HS3ST1: variants seen among roughly 807,000 people sequenced by gnomAD.
HS3ST1 encodes heparan sulfate glucosamine 3-O-sulfotransferase 1.
In HS3ST1, 8 loss-of-function variants were observed where a neutral mutation model predicts 20.7. The ratio of observed to expected loss-of-function variants is 0.39; its 90% CI spans 0.23 to 0.70. The LOEUF is 0.70. HS3ST1 is among the 30% of genes least tolerant of loss of function. HS3ST1 has a pLI of 0.46. For synonymous variants in HS3ST1, 205 were observed against 190.4 expected (o/e 1.08, Z -0.63); for missense variants, 436 against 423.4 (o/e 1.03, Z -0.26).
intron 1 of HS3ST1, among the ~76,000 whole-genome samples, chr4:11,426,372 C>CA (rs970442994): frequency 5.9e-5 from 9 of 151,452 alleles, no homozygotes; most frequent in African/African-American, 9.7e-5. Flanking sequence ...GGCCCCCCCC[C>CA]CAACCCTCAC....
intron 1 of HS3ST1, among the ~76,000 whole-genome samples, chr4:11,422,635 G>A (rs1023834855): frequency 6.6e-5 from 10 of 151,580 alleles, no homozygotes; most frequent in Non-Finnish European, 8.9e-5. Flanking sequence ...CAACTGCCTT[G>A]TGAACGACAA....
At chr4:11,416,943 CA>C (rs1207637600) in intron 1 of HS3ST1, among the ~76,000 whole-genome samples, 2 of 152,110 alleles carry the variant, frequency 1.3e-5, no homozygotes, top group Admixed American at 6.5e-5. Context: ...GGAGAACGTA[CA>C]AAAGTTCTAC....
chr4:11,424,488 T>C (rs891636022), intron 1 of HS3ST1, among the ~76,000 whole-genome samples: 16 of 152,018 alleles, frequency 1.1e-4, no homozygotes, highest in Non-Finnish European at 1.9e-4. Context: ...GGAGAAGCTG[T>C]ACATCAGTGG....
chr4:11,411,293 A>C (rs1718627424), intron 1 of HS3ST1, among the ~76,000 whole-genome samples: 1 of 152,194 alleles, frequency 6.6e-6, no homozygotes, highest in South Asian at 2.1e-4. Context: ...ATATTGAAAA[A>C]ACTGTTGCAC....
chr4:11,413,318 G>A (rs1018696382), intron 1 of HS3ST1, among the ~76,000 whole-genome samples: 1 of 152,072 alleles, frequency 6.6e-6, no homozygotes, highest in Non-Finnish European at 1.5e-5. Flanking sequence ...TAGGCTGGAG[G>A]AAGGCAGTTT....
chr4:11,406,878 A>T lies in HS3ST1; in HGVS notation c.-108-6765T>A, dbSNP rs569245417. Among the ~76,000 whole-genome samples, 15 of 152,230 alleles carry T rather than the reference A, an allele frequency of 9.9e-5. 1 individual carries two copies. The South Asian group carries it at 3.1e-3, about 32-fold the overall frequency. ...TGTCTTTTTTTTTTTTAATCTACCA[A>T]ACTTCTGGGCAATCAAAAGTATAAG... On this transcript the variant is annotated intron_variant, in intron 1 of 1. Transcript: ENST00000002596.
At position 11,394,280 on chromosome 4, in the gene HS3ST1, T is replaced by C. The variant is rs1718080214; in HGVS notation, c.*4802A>G. 1 of 152,228 alleles carries C rather than the reference T, an allele frequency of 6.6e-6. No individual in the cohort carries two copies. Among genetic ancestry groups the C allele is most frequent in the Non-Finnish European group, 1.5e-5 (1 of 68,048 alleles). 9.4% of individuals were successfully genotyped at this position (152,228 alleles called of 1,614,324 possible). On this transcript the variant is annotated 3_prime_UTR_variant, in exon 2 of 2. Coordinates refer to ENST00000002596, the MANE Select transcript of HS3ST1 (RefSeq NM_005114.4). ...TACAGCTAGGATGCACACCCAGGTC[T>C]TCTGGCTCTCTCTCTTTGCTGTTAT...
At chr4:11,403,567 G>A (rs1250052569) in intron 1 of HS3ST1, among the ~76,000 whole-genome samples, 1 of 152,148 alleles carries the variant, frequency 6.6e-6, no homozygotes, top group Non-Finnish European at 1.5e-5. Context: ...TAGTCTAGTT[G>A]CTGTTACTAC....
At chr4:11,402,687 T>C (rs1367376977) in intron 1 of HS3ST1, among the ~76,000 whole-genome samples, 4 of 152,228 alleles carry the variant, frequency 2.6e-5, no homozygotes, top group African/African-American at 9.6e-5. Flanking sequence ...CACCATCTTA[T>C]AGTTCCATGT....
Position 11,422,979 on chromosome 4 carries a change from C to T in HS3ST1, c.-109+5720G>A, listed in dbSNP as rs191453346. 5.0e-3 allele frequency among the ~76,000 whole-genome samples: 686 copies of T among 135,964 alleles called. 3 individuals are homozygous for T. The highest frequency in any genetic ancestry group is 0.018 in the African/African-American group (631 of 34,438). 89.2% of individuals were successfully genotyped at this position (135,964 alleles called of 152,430 possible). On this transcript the variant is annotated intron_variant, in intron 1 of 1. Coordinates refer to ENST00000002596, the MANE Select transcript of HS3ST1 (RefSeq NM_005114.4). ...CAGAGGTTGCAGTGAGCTGGGATCA[C>T]GCCACTGCACTCCAGCCAGGGCAAC...
Position 11,400,074 on chromosome 4 carries a change from T to G in HS3ST1, c.-69A>C, listed in dbSNP as rs1172870392. On this transcript the variant is annotated 5_prime_UTR_variant, in exon 2 of 2. Coordinates refer to ENST00000002596, the MANE Select transcript of HS3ST1 (RefSeq NM_005114.4). ...CATGAAGTGCCGCAGCAGGGAAGCCTCCTAGTCAGTGGCACATGGGCGTTT... is the reference window on the plus strand; with the variant it reads ...CATGAAGTGCCGCAGCAGGGAAGCCGCCTAGTCAGTGGCACATGGGCGTTT... 7.7e-6 allele frequency: 11 copies of G among 1,433,068 alleles called. No individual in the cohort carries two copies. Among genetic ancestry groups the G allele is most frequent in the African/African-American group, 5.7e-5 (4 of 69,608 alleles). 88.8% of individuals were successfully genotyped at this position (1,433,068 alleles called of 1,614,324 possible).
chr4:11,408,807 C>T (rs543669200), intron 1 of HS3ST1, among the ~76,000 whole-genome samples: 2 of 152,342 alleles, frequency 1.3e-5, no homozygotes, highest in East Asian at 3.9e-4. Flanking sequence ...GAGACAGGAC[C>T]TGGGCTGCCT....
At chr4:11,416,772 C>G (rs1462880162) in intron 1 of HS3ST1, among the ~76,000 whole-genome samples, 4 of 152,190 alleles carry the variant, frequency 2.6e-5, no homozygotes, top group African/African-American at 9.7e-5. Context: ...CCCTGCTGAA[C>G]TCCAACTAGG....
At chr4:11,419,644 AAATACAAT>A (rs1295918643) in intron 1 of HS3ST1, among the ~76,000 whole-genome samples, 1 of 152,218 alleles carries the variant, frequency 6.6e-6, no homozygotes, top group Non-Finnish European at 1.5e-5. Context: ...AAGTAAAACA[AAATACAAT>A]AAAATTTTAA....
intron 1 of HS3ST1, among the ~76,000 whole-genome samples, chr4:11,400,469 C>T (rs7664208): frequency 0.61 from 92,778 of 152,050 alleles, 29,057 homozygotes; most frequent in African/African-American, 0.73. Context: ...TATTTTCCTT[C>T]TTACTATTGT....
In HS3ST1 at chr4:11,398,316, G is replaced by A. The variant is rs1718193892; in HGVS notation, c.*766C>T. On this transcript the variant is annotated 3_prime_UTR_variant, in exon 2 of 2. Coordinates refer to ENST00000002596, the MANE Select transcript of HS3ST1 (RefSeq NM_005114.4). Reference sequence around the variant, plus strand: ...TCTTTTCTATTCTAATTGGCTTTCTGGAGGCCAGCTGCCACCTGGGGCAAA... The same window carrying A: ...TCTTTTCTATTCTAATTGGCTTTCTAGAGGCCAGCTGCCACCTGGGGCAAA... The A allele has an allele frequency of 6.6e-6, 1 of 152,188 alleles. No individual in the cohort carries two copies. The highest frequency in any genetic ancestry group is 1.5e-5 in the Non-Finnish European group (1 of 68,052). The allele number at this position is 152,188 out of a possible 1,614,324, so 9.4% of individuals were successfully genotyped here.
upstream of HS3ST1, among the ~76,000 whole-genome samples, chr4:11,432,420 C>G (rs978507181): frequency 1.1e-4 from 16 of 152,306 alleles, no homozygotes; most frequent in Admixed American, 2.0e-4. Flanking sequence ...CTTTCCAAGT[C>G]CTGATTTAGA....
At chr4:11,426,431 G>A (rs1719062126) in intron 1 of HS3ST1, among the ~76,000 whole-genome samples, 1 of 148,062 alleles carries the variant, frequency 6.8e-6, no homozygotes, top group South Asian at 2.1e-4. Context: ...AAAAGTACAT[G>A]CTCCAACTTT....
In HS3ST1 at chr4:11,409,083, A is replaced by G. The variant is rs754496829; in HGVS notation, c.-108-8970T>C. Among the ~76,000 whole-genome samples, 10 of 152,204 alleles carry G rather than the reference A, an allele frequency of 6.6e-5. 1 individual carries two copies. The highest frequency in any genetic ancestry group is 1.0e-4 in the Non-Finnish European group (7 of 68,028). On this transcript the variant is annotated intron_variant, in intron 1 of 1. Transcript: ENST00000002596. ...ATAGACAAACTGAGGTAAGCAGAGA[A>G]CAAGAACCCCAAGGTCAGGCCTGCA...
Sources: allele counts gnomAD v4.1 joint callset (sites outside exome capture counted in the v4.1 genomes callset), GRCh38; gene constraint gnomAD v4.1.1; transcripts MANE v1.5; gene names NCBI Gene and HGNC (gene_info 2026-07-23, HGNC 2026-07-21).